The following ERRFI1 variants were observed in gnomAD, a reference collection of about 807,000 sequenced individuals.
ERRFI1 encodes the protein mitogen-inducible gene 6 protein.
ERRFI1 carries 12 observed loss-of-function variants against 14.6 expected under a neutral mutation model. The ratio of observed to expected loss-of-function variants is 0.82; its 90% confidence interval spans 0.53 to 1.33. The LOEUF (loss-of-function observed/expected upper bound fraction) is 1.33. ERRFI1 is among the 40% of genes most tolerant of loss of function. The pLI is 0.00. For synonymous variants in ERRFI1, 202 were observed against 209.9 expected (o/e 0.96, Z 0.32); for missense variants, 482 against 572.1 (o/e 0.84, Z 1.61).
At chr1:8,018,141 G>C (rs1011969006) in intron 1 of ERRFI1, among the ~76,000 whole-genome samples, 2 of 152,078 alleles carry the variant, frequency 1.3e-5, no homozygotes, top group East Asian at 3.9e-4. Context: ...GAAACTGTCC[G>C]AACTTCCTAC....
intron 1 of ERRFI1, among the ~76,000 whole-genome samples, chr1:8,022,278 C>T (rs531097893): frequency 5.7e-4 from 87 of 152,300 alleles, no homozygotes; most frequent in Middle Eastern, 3.4e-3. Context: ...TCGTAATAAG[C>T]GGTTACTACA....
intron 1 of ERRFI1, among the ~76,000 whole-genome samples, chr1:8,018,169 G>A (rs555113889): frequency 2.0e-5 from 3 of 152,128 alleles, no homozygotes; most frequent in African/African-American, 4.8e-5. Flanking sequence ...CATGGGAGAC[G>A]AGGGGGGCAA....
chr1:8,026,195 C>T lies in ERRFI1; in HGVS notation c.-111G>A, dbSNP rs1463497116. 1 of 151,958 alleles carries T rather than the reference C, an allele frequency of 6.6e-6. No individual in the cohort carries two copies. Among genetic ancestry groups the T allele is most frequent in the African/African-American group, 2.4e-5 (1 of 41,398 alleles). The allele number at this position is 151,958 out of a possible 1,614,324, so 9.4% of individuals were successfully genotyped here. A position where few individuals can be genotyped will look rare whatever the true frequency, so the allele number is the denominator to read the frequency against. ...GCGGCTGCCCCGCGGCGCCCTCCCGCGCATGTCCGTCCCGGCTGGCTCAGC... is the reference window on the plus strand; with the variant it reads ...GCGGCTGCCCCGCGGCGCCCTCCCGTGCATGTCCGTCCCGGCTGGCTCAGC... On this transcript the variant is annotated 5_prime_UTR_variant, in exon 1 of 4. Coordinates refer to ENST00000377482, the MANE Select transcript of ERRFI1 (RefSeq NM_018948.4).
rs759989048 is a variant in ERRFI1, at chr1:8,015,519, C to G, written c.101G>C (p.Trp34Ser). 3 of 1,614,164 alleles carry G rather than the reference C, an allele frequency of 1.9e-6. No individual in the cohort carries two copies. Among genetic ancestry groups the G allele is most frequent in the Non-Finnish European group, 2.5e-6 (3 of 1,180,008 alleles). The change falls in exon 2 of 4, where the codon TGG becomes TCG. Residue 34 changes from tryptophan (W) to serine (S), a missense_variant. Transcript: ENST00000377482. ...RAMGNMRKTY[W>S]SSRSEFKNNF... ...CTTTTTAAACTCACTGCGACTGCTC[C>G]AGTAGGTCTTCCTCATATTCCCCAT... is the stretch of plus-strand genomic sequence containing the variant.
In ERRFI1 at chr1:8,012,385, G is replaced by A. The variant is rs1641097499; in HGVS notation, c.*825C>T. ...TGGCACCTAGAATACTTTTCCATCTGAGTCTAACGTACCCCACTGCCTCTA... is the reference window on the plus strand; with the variant it reads ...TGGCACCTAGAATACTTTTCCATCTAAGTCTAACGTACCCCACTGCCTCTA... On this transcript the variant is annotated 3_prime_UTR_variant, in exon 4 of 4. Transcript: ENST00000377482. 4.3e-6 allele frequency: 1 copy of A among 230,826 alleles called. No homozygotes were observed. Among genetic ancestry groups the A allele is most frequent in the East Asian group, 6.1e-5 (1 of 16,370 alleles). The allele number at this position is 230,826 out of a possible 1,614,324, so 14.3% of individuals were successfully genotyped here. A position where few individuals can be genotyped will look rare whatever the true frequency, so the allele number is the denominator to read the frequency against.
At chr1:8,024,575 G>A (rs1041418488) in intron 1 of ERRFI1, among the ~76,000 whole-genome samples, 2 of 152,160 alleles carry the variant, frequency 1.3e-5, no homozygotes, top group African/African-American at 2.4e-5. Context: ...ATATCTGTCA[G>A]GTTATAAATC....
intron 1 of ERRFI1, among the ~76,000 whole-genome samples, chr1:8,020,234 CTTAT>C (rs1423187125): frequency 6.6e-6 from 1 of 152,082 alleles, no homozygotes; most frequent in Non-Finnish European, 1.5e-5. Context: ...CCAGTGCTTC[CTTAT>C]TTAAGAGTGT....
chr1:8,019,323 G>A (rs980632346), intron 1 of ERRFI1, among the ~76,000 whole-genome samples: 13 of 152,222 alleles, frequency 8.5e-5, no homozygotes, highest in East Asian at 7.7e-4. Flanking sequence ...ATTTTCAAGC[G>A]CGCTTCTATT....
chr1:8,017,167 T>A (rs146192358), intron 1 of ERRFI1, among the ~76,000 whole-genome samples: 112 of 152,132 alleles, frequency 7.4e-4, no homozygotes, highest in Non-Finnish European at 1.4e-3. Context: ...TAAAAACTTT[T>A]AAAAAATACT....
rs1351900890 is a variant in ERRFI1, at chr1:8,013,888, A to G, written c.711T>C (p.Pro237=). 1 of 1,614,006 alleles carries G rather than the reference A, an allele frequency of 6.2e-7. No individual in the cohort carries two copies. Among genetic ancestry groups the G allele is most frequent in the South Asian group, 1.1e-5 (1 of 91,074 alleles). The change falls in exon 4 of 4, where the codon CCT becomes CCC. Residue 237 remains proline (P), a synonymous_variant. Transcript: ENST00000377482. This position sits in a 1 kb window ranked among gnomAD's most constrained non-coding sequence, Gnocchi z 4.3. ...DQNGGVPDPN[P]PPPQTHRRLR... ...ATCTTCGGTGGGTCTGAGGTGGAGG[A>G]GGATTTGGATCTGGGACACCTCCAT...
Position 8,013,214 on chromosome 1 carries a change from G to A in ERRFI1, c.1385C>T (p.Pro462Leu). ...KRKHLSYVVS[P>L] ...GCTGAACCATGACCCCAAGGTCTAAGGAGAAACCACATAGGATAAATGTTT... is the reference window on the plus strand; with the variant it reads ...GCTGAACCATGACCCCAAGGTCTAAAGAGAAACCACATAGGATAAATGTTT... Residue 462 changes from proline to leucine, a missense_variant, in exon 4 of 4, where the codon CCT (proline) becomes CTT (leucine). Transcript: ENST00000377482. The surrounding 1 kb of genome is among the most constrained non-coding windows in gnomAD (Gnocchi z 4.3). The A allele has an allele frequency of 6.2e-7, 1 of 1,606,328 alleles. No individual in the cohort carries two copies. Among genetic ancestry groups the A allele is most frequent in the Non-Finnish European group, 8.5e-7 (1 of 1,176,382 alleles).
Position 8,013,778 on chromosome 1 carries a change from G to A in ERRFI1, c.821C>T (p.Pro274Leu). 1 of 1,614,186 alleles carries A rather than the reference G, an allele frequency of 6.2e-7. No individual in the cohort carries two copies. The highest frequency in any genetic ancestry group is 1.3e-5 in the African/African-American group (1 of 75,040). Reference protein sequence around the residue: ...ISNCCIHRASPNSDEDKPEVP... With the variant: ...ISNCCIHRASLNSDEDKPEVP... ...CTCAGGTTTGTCTTCATCGGAGTTA[G>A]GAGAAGCTCTGTGTATACAACAGTT... Residue 274 changes from proline (P) to leucine (L), a missense_variant, in exon 4 of 4, where the codon CCT becomes CTT. Pro to Leu is a moderately conservative substitution (Grantham distance 98). Transcript: ENST00000377482. This position sits in a 1 kb window ranked among gnomAD's most constrained non-coding sequence, Gnocchi z 4.3.
Position 8,012,398 on chromosome 1 carries a change from C to G in ERRFI1, c.*812G>C, listed in dbSNP as rs1641097679. The G allele has an allele frequency of 4.3e-6, 1 of 231,064 alleles. No individual in the cohort carries two copies. Among genetic ancestry groups the G allele is most frequent in the African/African-American group, 2.2e-5 (1 of 45,186 alleles). The allele number at this position is 231,064 out of a possible 1,614,324, so 14.3% of individuals were successfully genotyped here. ...ACTTTTCCATCTGAGTCTAACGTAC[C>G]CCACTGCCTCTAATACGGCCCGCAC... On this transcript the variant is annotated 3_prime_UTR_variant, in exon 4 of 4. Transcript: ENST00000377482.
intron 1 of ERRFI1, among the ~76,000 whole-genome samples, chr1:8,025,099 G>T (rs993874854): frequency 2.6e-5 from 4 of 152,112 alleles, no homozygotes; most frequent in Admixed American, 2.0e-4. Context: ...AACCAGTCTT[G>T]CCCTACCTGT....
intron 1 of ERRFI1, among the ~76,000 whole-genome samples, chr1:8,025,626 G>T (rs947784541): frequency 6.6e-6 from 1 of 152,114 alleles, no homozygotes; most frequent in Non-Finnish European, 1.5e-5. Flanking sequence ...CGGGTACACG[G>T]TGTGAACAAG....
intron 1 of ERRFI1, among the ~76,000 whole-genome samples, chr1:8,025,519 A>AT (rs1641332362): frequency 1.3e-5 from 2 of 152,172 alleles, no homozygotes; most frequent in Admixed American, 1.3e-4. Flanking sequence ...TCGCTGTGAG[A>AT]TTAGGCAGAG....
rs775610985 is a variant in ERRFI1 at position 8,013,873 on chromosome 1, G to A, written c.726C>T (p.Thr242=). The change falls in exon 4 of 4, where the codon ACC becomes ACT. Residue 242 remains threonine, a synonymous_variant. Transcript: ENST00000377482. The surrounding 1 kb of genome is among the most constrained non-coding windows in gnomAD (Gnocchi z 4.3). ...AATGAGACCTTCTTAATCTTCGGTG[G>A]GTCTGAGGTGGAGGAGGATTTGGAT... is the stretch of plus-strand genomic sequence containing the variant. ...VPDPNPPPPQ[T]HRRLRRSHSG... is the part of the protein sequence containing the mutation. 1.2e-6 allele frequency: 2 copies of A among 1,614,058 alleles called. No homozygotes were observed. Among genetic ancestry groups the A allele is most frequent in the Admixed American group, 3.3e-5 (2 of 60,010 alleles).
At chr1:8,021,976 G>C (rs1336081522) in intron 1 of ERRFI1, among the ~76,000 whole-genome samples, 1 of 152,190 alleles carries the variant, frequency 6.6e-6, no homozygotes, top group Admixed American at 6.5e-5. Context: ...TGTAAGGGTA[G>C]CACAGATCCT....
chr1:8,021,944 C>T (rs1045480986), intron 1 of ERRFI1, among the ~76,000 whole-genome samples: 6 of 152,244 alleles, frequency 3.9e-5, no homozygotes, highest in African/African-American at 1.2e-4. Context: ...AAGTAGGATC[C>T]GACTGACTAT....
Sources: allele counts gnomAD v4.1 joint callset (sites outside exome capture counted in the v4.1 genomes callset), GRCh38; gene constraint gnomAD v4.1.1; non-coding constraint Gnocchi (gnomAD v3.1); transcripts MANE v1.5; gene names NCBI Gene and HGNC (gene_info 2026-07-23, HGNC 2026-07-21).